Variants in HTR2B observed in about 807,000 individuals in gnomAD.
HTR2B encodes the protein 5-hydroxytryptamine receptor 2B.
A neutral mutation model predicts 39.8 loss-of-function variants in HTR2B; 31 were observed. The observed-to-expected ratio is 0.78, with a 90% CI of 0.58 to 1.05. The LOEUF (loss-of-function observed/expected upper bound fraction) is 1.05, where lower values mean the gene tolerates loss of function less well. Ranked by LOEUF, HTR2B falls within the 50% of genes least tolerant of loss-of-function variation. The pLI, the probability that HTR2B is intolerant of heterozygous loss-of-function variation, is 0.00. For synonymous variants in HTR2B, 210 were observed against 207.1 expected, an observed-to-expected ratio of 1.01 and a Z score of -0.12; for missense variants, 562 against 578.0, an observed-to-expected ratio of 0.97 and a Z score of 0.28.
Position 231,108,895 on chromosome 2 carries a change from AG to A in HTR2B, c.1067del (p.Thr356IlefsTer13). The A allele has an allele frequency of 6.2e-7, 1 of 1,614,174 alleles. No homozygotes were observed. Among genetic ancestry groups the A allele is most frequent in the Non-Finnish European group, 8.5e-7 (1 of 1,180,010 alleles). On this transcript the variant is annotated frameshift_variant, in exon 4 of 4. Coordinates refer to ENST00000258400, the MANE Select transcript of HTR2B (RefSeq NM_000867.5). LOFTEE classifies it high-confidence loss of function. ...TLVLCDSCNQ[T>X]TLQMLLEIFV... is the part of the protein sequence containing the mutation. The stretch of plus-strand genomic sequence containing the variant: ...ATATCTCCAGGAGCATTTGGAGAGT[AG>A]TTTGGTTACAGGAATCACATAAAAC...
intron 2 of HTR2B, among the ~76,000 whole-genome samples, chr2:231,117,284 C>T (rs1393444447): frequency 6.6e-6 from 1 of 151,878 alleles, no homozygotes; most frequent in Non-Finnish European, 1.5e-5. Flanking sequence ...CAATATACTT[C>T]CACAAAGACT....
intron 2 of HTR2B, among the ~76,000 whole-genome samples, chr2:231,121,417 AAAT>A (rs1695538335): frequency 6.6e-6 from 1 of 152,198 alleles, no homozygotes; most frequent in South Asian, 2.1e-4. Context: ...TGGAAGAATG[AAAT>A]AATATTAAAA....
At chr2:231,117,629 G>T (rs1218527252) in intron 2 of HTR2B, among the ~76,000 whole-genome samples, 1 of 152,058 alleles carries the variant, frequency 6.6e-6, no homozygotes, top group Non-Finnish European at 1.5e-5. Context: ...TTTAAATTCT[G>T]CCATGCATGA....
intron 2 of HTR2B, among the ~76,000 whole-genome samples, chr2:231,114,607 A>G (rs1367845192): frequency 6.6e-6 from 1 of 152,228 alleles, no homozygotes; most frequent in Admixed American, 6.5e-5. Flanking sequence ...ATTAGTACAG[A>G]CTTTTGATTT....
At chr2:231,123,038 G>A (rs879691965) in intron 2 of HTR2B, among the ~76,000 whole-genome samples, 6 of 152,026 alleles carry the variant, frequency 3.9e-5, no homozygotes, top group Non-Finnish European at 8.8e-5. Flanking sequence ...TATCTGTCCC[G>A]GAAGTGTCCT....
Position 231,108,910 on chromosome 2 carries a change from A to T in HTR2B, c.1053T>A (p.Asp351Glu), listed in dbSNP as rs148928503. ...TTTGGAGAGTAGTTTGGTTACAGGA[A>T]TCACATAAAACTAAAGTTATATTTG... is the stretch of plus-strand genomic sequence containing the variant. ...FITNITLVLC[D>E]SCNQTTLQML... The change falls in exon 4 of 4, where the codon GAT becomes GAA. Residue 351 changes from aspartate (D) to glutamate (E), a missense_variant. Physicochemically the swap from Asp to Glu is conservative, Grantham distance 45. Coordinates refer to ENST00000258400, the MANE Select transcript of HTR2B (RefSeq NM_000867.5). 44 of 1,614,038 alleles carry T rather than the reference A, an allele frequency of 2.7e-5. 1 individual carries two copies. In the Middle Eastern group the frequency reaches 9.9e-4, roughly 36 times the overall value.
chr2:231,113,084 A>G (rs1393360370), intron 3 of HTR2B, among the ~76,000 whole-genome samples: 1 of 152,134 alleles, frequency 6.6e-6, no homozygotes, highest in Non-Finnish European at 1.5e-5. Flanking sequence ...GGATCGCTTG[A>G]GCCCGGGAAG....
At chr2:231,121,347 G>T (rs968268949) in intron 2 of HTR2B, among the ~76,000 whole-genome samples, 3 of 152,062 alleles carry the variant, frequency 2.0e-5, no homozygotes, top group Non-Finnish European at 4.4e-5. Context: ...AGGCAACATT[G>T]CCAGACTCCA....
At position 231,113,760 on chromosome 2, in the gene HTR2B, G is replaced by C. The variant is rs919078056; in HGVS notation, c.522C>G (p.Ile174Met). Residue 174 changes from isoleucine (I) to methionine (M), a missense_variant, in exon 3 of 4, where the codon ATC (isoleucine) becomes ATG (methionine). Coordinates refer to ENST00000258400, the MANE Select transcript of HTR2B (RefSeq NM_000867.5). ...NQYNSRATAF[I>M]KITVVWLISI... ...AAATTAACCACACCACTGTAATCTT[G>C]ATGAATGCTGTAGCCCGTGAGTTAT... 1.2e-6 allele frequency: 2 copies of C among 1,613,894 alleles called. No homozygotes were observed. The highest frequency in any genetic ancestry group is 1.3e-5 in the African/African-American group (1 of 74,916).
intron 3 of HTR2B, among the ~76,000 whole-genome samples, chr2:231,112,217 C>A (rs1158416180): frequency 2.0e-5 from 3 of 152,196 alleles, no homozygotes. Flanking sequence ...AAATGTGAGT[C>A]ATCTGGCATA....
chr2:231,108,914 C>A lies in HTR2B; in HGVS notation c.1049G>T (p.Cys350Phe), dbSNP rs762274085. The A allele has an allele frequency of 7.4e-6, 12 of 1,613,916 alleles. No individual in the cohort carries two copies. The highest frequency in any genetic ancestry group is 1.0e-5 in the Non-Finnish European group (12 of 1,179,998). ...FFITNITLVL[C>F]DSCNQTTLQM... ...GAGAGTAGTTTGGTTACAGGAATCA[C>A]ATAAAACTAAAGTTATATTTGTAAT... Residue 350 changes from cysteine (C) to phenylalanine (F), a missense_variant, in exon 4 of 4, where the codon TGT becomes TTT. Physicochemically the swap from Cys to Phe is radical, Grantham distance 205 (BLOSUM62 -2). Transcript: ENST00000258400.
intron 2 of HTR2B, among the ~76,000 whole-genome samples, chr2:231,114,358 C>A (rs1574741921): frequency 6.6e-6 from 1 of 152,046 alleles, no homozygotes; most frequent in African/African-American, 2.4e-5. Flanking sequence ...TGACAAAAAG[C>A]GTATTAGAAT....
chr2:231,123,583 A>G lies in HTR2B; in HGVS notation c.182T>C (p.Ile61Thr). The G allele has an allele frequency of 6.2e-7, 1 of 1,614,154 alleles. No individual in the cohort carries two copies. The highest frequency in any genetic ancestry group is 8.5e-7 in the Non-Finnish European group (1 of 1,179,972). ...AATTGTGGGTATTATCACCATGAGTATCAGAAGAGCTGCCCAGTGCAGTTT... is the reference window on the plus strand; with the variant it reads ...AATTGTGGGTATTATCACCATGAGTGTCAGAAGAGCTGCCCAGTGCAGTTT... ...GNKLHWAALL[I>T]LMVIIPTIGG... is the part of the protein sequence containing the mutation. Residue 61 changes from isoleucine to threonine, a missense_variant, in exon 2 of 4, where the codon ATA becomes ACA. Physicochemically the swap from Ile to Thr is moderately conservative, Grantham distance 89. Coordinates refer to ENST00000258400, the MANE Select transcript of HTR2B (RefSeq NM_000867.5).
chr2:231,121,783 C>G lies in HTR2B; in HGVS notation c.352+1630G>C, dbSNP rs536379469. On this transcript the variant is annotated intron_variant, in intron 2 of 3. Transcript: ENST00000258400. ...ATTTATGGACTCAAAGATTTTAAAG[C>G]TAAAATTCACTTCTGCATAATTCTT... 1.2e-3 allele frequency among the ~76,000 whole-genome samples: 181 copies of G among 152,204 alleles called. 1 individual carries two copies. The highest frequency in any genetic ancestry group is 3.9e-3 in the African/African-American group (164 of 41,538).
intron 2 of HTR2B, among the ~76,000 whole-genome samples, chr2:231,116,281 G>A (rs1041559837): frequency 6.6e-6 from 1 of 152,102 alleles, no homozygotes; most frequent in African/African-American, 2.4e-5. Context: ...TTGAGCTGAA[G>A]TTCTAGATTT....
chr2:231,111,367 A>G (rs907267939), intron 3 of HTR2B, among the ~76,000 whole-genome samples: 2 of 152,132 alleles, frequency 1.3e-5, no homozygotes, highest in South Asian at 2.1e-4. Context: ...TTCACATTCT[A>G]TTAACTCATT....
At position 231,109,095 on chromosome 2, in the gene HTR2B, C is replaced by G; in HGVS notation, c.868G>C (p.Asp290His). 1 of 1,614,160 alleles carries G rather than the reference C, an allele frequency of 6.2e-7. No individual in the cohort carries two copies. The highest frequency in any genetic ancestry group is 8.5e-7 in the Non-Finnish European group (1 of 1,180,012). Residue 290 changes from aspartate to histidine, a missense_variant, in exon 4 of 4, where the codon GAC becomes CAC. By Grantham distance (81) the Asp-to-His change is moderately conservative (BLOSUM62 -1). Transcript: ENST00000258400. ...KVAMLDGSRK[D>H]KALPNSGDET... ...TCACCTGAGTTGGGCAGAGCCTTGT[C>G]CTTTCGAGAACCATCCAGCATTGCC...
In HTR2B at chr2:231,108,626, A is replaced by G. The variant is rs1695039021; in HGVS notation, c.1337T>C (p.Met446Thr). Residue 446 changes from methionine (M) to threonine (T), a missense_variant, in exon 4 of 4, where the codon ATG (methionine) becomes ACG (threonine). Coordinates refer to ENST00000258400, the MANE Select transcript of HTR2B (RefSeq NM_000867.5). Reference protein sequence around the residue: ...GINPAMYQSPMRLRSSTIQSS... With the variant: ...GINPAMYQSPTRLRSSTIQSS... ...CTGAATGGTTGAACTTCGGAGCCTCATTGGACTCTGGTACATGGCAGGGTT... is the reference window on the plus strand; with the variant it reads ...CTGAATGGTTGAACTTCGGAGCCTCGTTGGACTCTGGTACATGGCAGGGTT... 2 of 1,613,950 alleles carry G rather than the reference A, an allele frequency of 1.2e-6. No homozygotes were observed. The highest frequency in any genetic ancestry group is 8.5e-7 in the Non-Finnish European group (1 of 1,179,988).
At chr2:231,117,412 A>G (rs1165593253) in intron 2 of HTR2B, among the ~76,000 whole-genome samples, 3 of 152,084 alleles carry the variant, frequency 2.0e-5, no homozygotes, top group Admixed American at 2.0e-4. Flanking sequence ...CTTCAACTAA[A>G]TTACTGTTAT....
Sources: allele counts gnomAD v4.1 joint callset (sites outside exome capture counted in the v4.1 genomes callset), GRCh38; gene constraint gnomAD v4.1.1; transcripts MANE v1.5; gene names NCBI Gene and HGNC (gene_info 2026-07-23, HGNC 2026-07-21).